Variants in LMOD1 observed in about 807,000 individuals in gnomAD.
The protein encoded by LMOD1 is leiomodin 1.
Under a neutral mutation model 36.5 loss-of-function variants are expected in LMOD1, and 8 were observed. The ratio of observed to expected loss-of-function variants is 0.22; its 90% CI spans 0.13 to 0.40. The LOEUF is 0.40. LMOD1 is among the 10% of genes least tolerant of loss of function. The pLI, the probability that LMOD1 is intolerant of heterozygous loss-of-function variation, is 1.00. For synonymous variants in LMOD1, 284 were observed against 288.7 expected (o/e 0.98, Z 0.17); for missense variants, 630 against 751.1 (o/e 0.84, Z 1.88).
Position 201,900,477 on chromosome 1 carries a change from T to C in LMOD1, c.536A>G (p.Glu179Gly). The C allele has an allele frequency of 1.2e-6, 2 of 1,612,862 alleles. No homozygotes were observed. The highest frequency in any genetic ancestry group is 1.1e-5 in the South Asian group (1 of 90,894). ...KKEAGKDGRG[E>G]ERAVATKKEE... Reference sequence around the variant, plus strand: ...CTTCTTGGTGGCCACTGCCCTCTCCTCTCCTCTCCCATCCTTCCCTGCCTC... The same window carrying C: ...CTTCTTGGTGGCCACTGCCCTCTCCCCTCCTCTCCCATCCTTCCCTGCCTC... Residue 179 changes from glutamate (E) to glycine (G), a missense_variant, in exon 2 of 3, where the codon GAG (glutamate) becomes GGG (glycine). This residue lies in a region of LMOD1 where 405 missense variants were observed against 400.6 expected (regional missense o/e 1.01). Coordinates refer to ENST00000367288, the MANE Select transcript of LMOD1 (RefSeq NM_012134.3).
In LMOD1 at chr1:201,914,446, T is replaced by C. The variant is rs191587841; in HGVS notation, c.262-13695A>G. ...GGTACGGGGCGGTATTAAGGCTTCA[T>C]TGAGGTGAGTGGATAACACATCCAC... On this transcript the variant is annotated intron_variant, in intron 1 of 2. Coordinates refer to ENST00000367288, the MANE Select transcript of LMOD1 (RefSeq NM_012134.3). Among the ~76,000 whole-genome samples the C allele has an allele frequency of 8.5e-4, 130 of 152,290 alleles. 2 individuals carry two copies. Among genetic ancestry groups the C allele is most frequent in the Admixed American group, 4.9e-3 (75 of 15,292 alleles).
chr1:201,921,924 C>A (rs1681713080), intron 1 of LMOD1, among the ~76,000 whole-genome samples: 4 of 151,510 alleles, frequency 2.6e-5, no homozygotes, highest in African/African-American at 7.3e-5. Flanking sequence ...CATGCCAGTG[C>A]ACTCCAGCCT....
At chr1:201,920,045 CTTTTTTT>C (rs576044641) in intron 1 of LMOD1, among the ~76,000 whole-genome samples, 14 of 52,534 alleles carry the variant, frequency 2.7e-4, no homozygotes, top group East Asian at 2.5e-3. Flanking sequence ...GGCTCTCTCT[CTTTTTTT>C]TTTTTTTTTT....
chr1:201,932,341 A>G (rs1387194801), intron 1 of LMOD1, among the ~76,000 whole-genome samples: 2 of 152,168 alleles, frequency 1.3e-5, no homozygotes, highest in African/African-American at 4.8e-5. Flanking sequence ...AGGTAGAGGA[A>G]TCTGACCTGG....
At chr1:201,903,877 C>T (rs1029204850) in intron 1 of LMOD1, among the ~76,000 whole-genome samples, 11 of 152,216 alleles carry the variant, frequency 7.2e-5, no homozygotes, top group African/African-American at 2.7e-4. Flanking sequence ...TTGTAGGCTT[C>T]ACTCAGAGAG....
intron 1 of LMOD1, among the ~76,000 whole-genome samples, chr1:201,918,226 C>G (rs965545392): frequency 3.9e-5 from 6 of 152,194 alleles, no homozygotes; most frequent in African/African-American, 1.4e-4. Flanking sequence ...TCACCACGTT[C>G]CCTTCATCCC....
At chr1:201,918,942 G>C (rs1039771133) in intron 1 of LMOD1, among the ~76,000 whole-genome samples, 4 of 152,178 alleles carry the variant, frequency 2.6e-5, no homozygotes, top group Admixed American at 2.6e-4. Context: ...ACCCAGGCTG[G>C]AGTGTAGTGG....
chr1:201,943,307 A>G (rs1352631708), intron 1 of LMOD1, among the ~76,000 whole-genome samples: 1 of 152,260 alleles, frequency 6.6e-6, no homozygotes, highest in Non-Finnish European at 1.5e-5. Context: ...GATAATAGGA[A>G]TAAAAATACA....
At chr1:201,927,651 G>C (rs894017489) in intron 1 of LMOD1, among the ~76,000 whole-genome samples, 2 of 152,140 alleles carry the variant, frequency 1.3e-5, no homozygotes, top group African/African-American at 4.8e-5. Flanking sequence ...GGACAAGTGG[G>C]TTATCACTAA....
rs538020795 is a variant in LMOD1, at chr1:201,901,673, T to TAC, written c.262-924_262-923dup. Among the ~76,000 whole-genome samples the TAC allele has an allele frequency of 3.1e-3, 308 of 98,818 alleles. 12 individuals carry two copies. The highest frequency in any genetic ancestry group is 0.01 in the African/African-American group (257 of 24,706). 64.8% of individuals were successfully genotyped at this position (98,818 alleles called of 152,430 possible). A position where few individuals can be genotyped will look rare whatever the true frequency, so the allele number is the denominator to read the frequency against. ...ACATATATATGTGTATATATATATA[T>TAC]ACACATATATATATGTGTATATATA... is the stretch of plus-strand genomic sequence containing the variant. On this transcript the variant is annotated intron_variant, in intron 1 of 2. Transcript: ENST00000367288.
intron 1 of LMOD1, among the ~76,000 whole-genome samples, chr1:201,913,356 G>A (rs909714722): frequency 1.3e-5 from 2 of 151,912 alleles, no homozygotes; most frequent in Non-Finnish European, 1.5e-5. Flanking sequence ...ATGTAATCCC[G>A]GCACTTTGGG....
chr1:201,901,391 A>T (rs927655811), intron 1 of LMOD1, among the ~76,000 whole-genome samples: 1 of 149,336 alleles, frequency 6.7e-6, no homozygotes, highest in Non-Finnish European at 1.5e-5. Context: ...AATCCCAGCT[A>T]CTCGGGAGGC....
At position 201,922,724 on chromosome 1, in the gene LMOD1, TATATA is replaced by T. The variant is rs530496969; in HGVS notation, c.262-21978_262-21974del. Among the ~76,000 whole-genome samples, 46 of 149,750 alleles carry T rather than the reference TATATA, an allele frequency of 3.1e-4. 1 individual carries two copies. Among genetic ancestry groups the T allele is most frequent in the Admixed American group, 4.7e-4 (7 of 14,930 alleles). The stretch of plus-strand genomic sequence containing the variant: ...GAATATACTGAATATAATATTGTTA[TATATA>T]ATATAATATATATAATACACTATTA... On this transcript the variant is annotated intron_variant, in intron 1 of 2. Transcript: ENST00000367288.
At chr1:201,913,586 G>A (rs559586321) in intron 1 of LMOD1, among the ~76,000 whole-genome samples, 3 of 152,274 alleles carry the variant, frequency 2.0e-5, no homozygotes, top group East Asian at 1.9e-4. Flanking sequence ...CAGCCTGAGC[G>A]ACAGAGCCAG....
At chr1:201,920,130 G>C (rs895210572) in intron 1 of LMOD1, among the ~76,000 whole-genome samples, 1 of 133,952 alleles carries the variant, frequency 7.5e-6, no homozygotes, top group African/African-American at 2.8e-5. Context: ...CATGATCTTG[G>C]CTCACTGCAA....
intron 1 of LMOD1, among the ~76,000 whole-genome samples, chr1:201,933,913 A>G (rs1681971907): frequency 2.0e-5 from 3 of 152,204 alleles, no homozygotes; most frequent in African/African-American, 7.2e-5. Context: ...GAGACCACCC[A>G]GCTGATAAAT....
At chr1:201,901,819 T>C (rs1681331928) in intron 1 of LMOD1, among the ~76,000 whole-genome samples, 1 of 147,602 alleles carries the variant, frequency 6.8e-6, no homozygotes, top group Non-Finnish European at 1.5e-5. Flanking sequence ...TTTTAAGGAG[T>C]AGGCCAATAG....
intron 1 of LMOD1, among the ~76,000 whole-genome samples, chr1:201,935,976 G>A (rs1330313042): frequency 6.6e-6 from 1 of 151,146 alleles, no homozygotes; most frequent in Non-Finnish European, 1.5e-5. Context: ...TTAGCCGGGC[G>A]TGGTGGCAGG....
At chr1:201,915,614 G>A (rs931262594) in intron 1 of LMOD1, among the ~76,000 whole-genome samples, 3 of 152,206 alleles carry the variant, frequency 2.0e-5, no homozygotes, top group Admixed American at 6.5e-5. Flanking sequence ...TCTGCACCCC[G>A]CTCTGCACTC....
Sources: allele counts gnomAD v4.1 joint callset (sites outside exome capture counted in the v4.1 genomes callset), GRCh38; gene constraint gnomAD v4.1.1; regional missense constraint gnomAD v4.1.1; transcripts MANE v1.5; gene names NCBI Gene and HGNC (gene_info 2026-07-23, HGNC 2026-07-21).